CLEC19A: variants seen among roughly 807,000 people sequenced by gnomAD.
CLEC19A encodes C-type lectin domain containing 19A.
Under a neutral mutation model 26.1 loss-of-function variants are expected in CLEC19A, and 21 were observed. The observed-to-expected ratio is 0.80, with a 90% CI of 0.57 to 1.16. The LOEUF (loss-of-function observed/expected upper bound fraction) is 1.16, where lower values mean the gene tolerates loss of function less well. Among genes scored for constraint, CLEC19A ranks in the 50% most tolerant of loss-of-function variants. CLEC19A has a pLI of 0.00. For missense variants in CLEC19A, 224 were observed against 227.6 expected (o/e 0.98, Z 0.10); for synonymous variants, 89 against 88.6 (o/e 1.00, Z -0.03).
intron 2 of CLEC19A, among the ~76,000 whole-genome samples, chr16:19,301,727 GTTTTTTTGGTTTTTTTTTTT>G (rs1393499674): frequency 1.8e-4 from 5 of 28,556 alleles, no homozygotes; most frequent in African/African-American, 4.3e-4. Flanking sequence ...CCATGCCCAG[GTTTTTTTGGTTTTTTTTTTT>G]TTTTTTTTTT....
At chr16:19,306,407 A>T (rs1303916854) in intron 3 of CLEC19A, among the ~76,000 whole-genome samples, 3 of 152,070 alleles carry the variant, frequency 2.0e-5, no homozygotes, top group African/African-American at 2.4e-5. Context: ...TCAGCCTCAC[A>T]AAGTGCTGGG....
At chr16:19,299,579 G>C (rs751483585) in intron 2 of CLEC19A, among the ~76,000 whole-genome samples, 2 of 152,214 alleles carry the variant, frequency 1.3e-5, no homozygotes, top group Non-Finnish European at 1.5e-5. Flanking sequence ...CCATACTCTT[G>C]GGCATTATAT....
Position 19,287,608 on chromosome 16 carries a change from C to T in CLEC19A, c.88+1669C>T, listed in dbSNP as rs895060079. On this transcript the variant is annotated intron_variant, in intron 1 of 4. Transcript: ENST00000636231. ...GACTGCGCCTCGTATATCCCAAGAT[C>T]TTGCCTTTCTGCCCAGCAAAAGTGG... 2.0e-5 allele frequency among the ~76,000 whole-genome samples: 3 copies of T among 152,166 alleles called. 1 individual carries two copies. The highest frequency in any genetic ancestry group is 1.3e-4 in the Admixed American group (2 of 15,280).
intron 1 of CLEC19A, among the ~76,000 whole-genome samples, chr16:19,298,071 A>G (rs920103750): frequency 2.6e-5 from 4 of 151,800 alleles, no homozygotes; most frequent in African/African-American, 9.7e-5. Context: ...ACCAACATGG[A>G]GAAACCCCGT....
intron 2 of CLEC19A, among the ~76,000 whole-genome samples, chr16:19,301,878 A>T (rs11860712): frequency 1.3e-5 from 2 of 150,866 alleles, no homozygotes; most frequent in Non-Finnish European, 3.0e-5. Context: ...GGCATGAGCC[A>T]CCGCGCCCGG....
chr16:19,290,850 T>C (rs1189006692), intron 1 of CLEC19A, among the ~76,000 whole-genome samples: 1 of 152,208 alleles, frequency 6.6e-6, no homozygotes, highest in Non-Finnish European at 1.5e-5. Flanking sequence ...TTTCTTTCTT[T>C]TTTTTAGAGA....
At chr16:19,293,095 A>G (rs1342913911) in intron 1 of CLEC19A, among the ~76,000 whole-genome samples, 1 of 152,248 alleles carries the variant, frequency 6.6e-6, no homozygotes, top group Non-Finnish European at 1.5e-5. Flanking sequence ...TGGAATAGAC[A>G]TGACTTGAAA....
At chr16:19,301,766 T>G (rs7184128) in intron 2 of CLEC19A, among the ~76,000 whole-genome samples, 1 of 116,096 alleles carries the variant, frequency 8.6e-6, no homozygotes, top group Non-Finnish European at 1.8e-5. Flanking sequence ...TTTTTTTTTG[T>G]ATTTTTAGCA....
chr16:19,304,057 C>T lies in CLEC19A; in HGVS notation c.255-5C>T, dbSNP rs751526964. On this transcript the variant is annotated splice_polypyrimidine_tract_variant and splice_region_variant and intron_variant, in intron 2 of 4. Transcript: ENST00000636231. ...AATCAGCTACTATTATTCTTAAATT[C>T]GCAGCTGGGAGGAGAATGTCTTTGT... The T allele has an allele frequency of 2.1e-5, 32 of 1,545,340 alleles. No homozygotes were observed. Among genetic ancestry groups the T allele is most frequent in the Admixed American group, 2.0e-4 (10 of 50,630 alleles).
intron 2 of CLEC19A, among the ~76,000 whole-genome samples, chr16:19,300,876 A>G (rs1897804589): frequency 1.3e-5 from 2 of 152,204 alleles, no homozygotes; most frequent in African/African-American, 4.8e-5. Flanking sequence ...GAGGAGAGGC[A>G]GCCCCTGCCA....
chr16:19,289,705 T>A (rs1437162502), intron 1 of CLEC19A, among the ~76,000 whole-genome samples: 1 of 152,238 alleles, frequency 6.6e-6, no homozygotes, highest in Non-Finnish European at 1.5e-5. Flanking sequence ...AATTGTCTAA[T>A]GCTTTTTTCT....
At position 19,301,735 on chromosome 16, in the gene CLEC19A, G is replaced by GTTTTTTTTTTTTTTT. The variant is rs750529291; in HGVS notation, c.255-2327_255-2326insTTTTTTTTTTTTTTT. Among the ~76,000 whole-genome samples, 61 of 35,108 alleles carry GTTTTTTTTTTTTTTT rather than the reference G, an allele frequency of 1.7e-3. 3 individuals are homozygous for GTTTTTTTTTTTTTTT. Among genetic ancestry groups the GTTTTTTTTTTTTTTT allele is most frequent in the Middle Eastern group, 0.019 (1 of 52 alleles). The allele number at this position is 35,108 out of a possible 152,430, so 23.0% of individuals were successfully genotyped here. A position where few individuals can be genotyped will look rare whatever the true frequency, so the allele number is the denominator to read the frequency against. Reference sequence around the variant, plus strand: ...CATGACACCATGCCCAGGTTTTTTTGGTTTTTTTTTTTTTTTTTTTTTTTT... The same window carrying GTTTTTTTTTTTTTTT: ...CATGACACCATGCCCAGGTTTTTTTGTTTTTTTTTTTTTTTGTTTTTTTTTTTTTTTTTTTTTTTT... On this transcript the variant is annotated intron_variant, in intron 2 of 4. Transcript: ENST00000636231.
rs1898053756 is a variant in CLEC19A at position 19,310,756 on chromosome 16, G to T, written c.*1673G>T. 6.6e-6 allele frequency: 1 copy of T among 152,210 alleles called. No individual in the cohort carries two copies. Among genetic ancestry groups the T allele is most frequent in the African/African-American group, 2.4e-5 (1 of 41,438 alleles). 9.4% of individuals were successfully genotyped at this position (152,210 alleles called of 1,614,324 possible). On this transcript the variant is annotated 3_prime_UTR_variant, in exon 5 of 5. Transcript: ENST00000636231. ...GGCAAGTCTATAGAGATGGAAAGTG[G>T]ATTAGTGGTTGCCAGGGGATGTGTG...
At chr16:19,290,221 G>T (rs1897554157) in intron 1 of CLEC19A, among the ~76,000 whole-genome samples, 2 of 152,074 alleles carry the variant, frequency 1.3e-5, no homozygotes. Flanking sequence ...CCCCACCCCA[G>T]CTGGGAGACC....
rs1288082284 is a variant in CLEC19A, at chr16:19,310,217, C to T, written c.*1134C>T. On this transcript the variant is annotated 3_prime_UTR_variant, in exon 5 of 5. Transcript: ENST00000636231. ...GGTGTAGTGGCTCATGCCTGTAATC[C>T]CAGCACTTTGGGAAGCTGAGGAGAG... 1 of 151,950 alleles carries T rather than the reference C, an allele frequency of 6.6e-6. No individual in the cohort carries two copies. The highest frequency in any genetic ancestry group is 1.5e-5 in the Non-Finnish European group (1 of 67,994). 9.4% of individuals were successfully genotyped at this position (151,950 alleles called of 1,614,324 possible). A position where few individuals can be genotyped will look rare whatever the true frequency, so the allele number is the denominator to read the frequency against.
chr16:19,291,968 T>A (rs1047199225), intron 1 of CLEC19A, among the ~76,000 whole-genome samples: 1 of 152,128 alleles, frequency 6.6e-6, no homozygotes, highest in Non-Finnish European at 1.5e-5. Flanking sequence ...AGGTGGGGTG[T>A]AAATGGCTCA....
chr16:19,302,520 C>T (rs1393478915), intron 2 of CLEC19A, among the ~76,000 whole-genome samples: 2 of 152,148 alleles, frequency 1.3e-5, no homozygotes, highest in African/African-American at 4.8e-5. Flanking sequence ...ATCGACATGG[C>T]CATGTTTTGA....
chr16:19,292,279 T>C (rs1443737524), intron 1 of CLEC19A, among the ~76,000 whole-genome samples: 1 of 152,096 alleles, frequency 6.6e-6, no homozygotes, highest in Non-Finnish European at 1.5e-5. Flanking sequence ...CAGACTCCGA[T>C]TTGGAAGGCC....
At chr16:19,289,641 A>G (rs1408801546) in intron 1 of CLEC19A, among the ~76,000 whole-genome samples, 1 of 152,204 alleles carries the variant, frequency 6.6e-6, no homozygotes, top group Non-Finnish European at 1.5e-5. Flanking sequence ...GCTGATCTCA[A>G]GGAGTCACAT....
Sources: gnomAD v4.1 joint callset for allele counts (sites outside exome capture counted in the v4.1 genomes callset) on GRCh38, gnomAD v4.1.1 for gene constraint, MANE v1.5 for transcripts, NCBI Gene and HGNC (gene_info 2026-07-23, HGNC 2026-07-21) for gene names.